The following EIF3A variants were observed in gnomAD, a reference collection of about 807,000 sequenced individuals.
The protein encoded by EIF3A is EIF3, p180 subunit.
In EIF3A, 21 loss-of-function variants were observed where a neutral mutation model predicts 186.6. The observed-to-expected ratio is 0.11, with a 90% CI of 0.08 to 0.16. EIF3A has a LOEUF of 0.16. Among genes scored for constraint, EIF3A ranks in the 10% least tolerant of loss-of-function variants. The probability of loss-of-function intolerance (pLI) is 1.00; values close to 1 mark genes in which losing one functional copy is unlikely to be tolerated. For synonymous variants in EIF3A, 563 were observed against 584.3 expected (o/e 0.96, Z 0.52); for missense variants, 1,306 against 1,796.3 (o/e 0.73, Z 4.93).
intron 14 of EIF3A, among the ~76,000 whole-genome samples, chr10:119,054,172 C>T (rs565517571): frequency 3.3e-5 from 5 of 152,208 alleles, no homozygotes; most frequent in South Asian, 2.1e-4. Context: ...CTGCCCTCCT[C>T]GGCCTCCCAA....
At chr10:119,060,645 G>T in intron 9 of EIF3A, 101 bp downstream of exon 9, 2 of 730,714 alleles carry the variant, frequency 2.7e-6, no homozygotes, top group Non-Finnish European at 4.4e-6. Flanking sequence ...GGCAGAACTT[G>T]GGGAGGTTCT....
At chr10:119,062,351 C>T (rs548958703) in intron 7 of EIF3A, among the ~76,000 whole-genome samples, 38 of 152,274 alleles carry the variant, frequency 2.5e-4, no homozygotes, top group African/African-American at 8.7e-4. Flanking sequence ...GGTTTACTTT[C>T]CGATTTAAAA....
chr10:119,058,360 G>T, intron 11 of EIF3A, 57 bp from the exon 12 acceptor site: 1 of 1,236,066 alleles, frequency 8.1e-7, no homozygotes, highest in Non-Finnish European at 1.1e-6. Context: ...CTGGTATTAG[G>T]CATCAAAGAA....
At chr10:119,076,203 C>T (rs913247133) in intron 1 of EIF3A, among the ~76,000 whole-genome samples, 2 of 151,022 alleles carry the variant, frequency 1.3e-5, no homozygotes, top group Non-Finnish European at 2.9e-5. Flanking sequence ...CATGGTGATG[C>T]ACGCCCGTAA....
intron 20 of EIF3A, among the ~76,000 whole-genome samples, 181 bp from the exon 21 acceptor site, chr10:119,037,490 C>T (rs963143748): frequency 6.6e-6 from 1 of 152,146 alleles, no homozygotes; most frequent in African/African-American, 2.4e-5. Flanking sequence ...AGATCTGTGC[C>T]GTCCCACTCG....
intron 17 of EIF3A, among the ~76,000 whole-genome samples, chr10:119,044,903 A>G (rs1848261404): frequency 6.6e-6 from 1 of 151,632 alleles, no homozygotes; most frequent in African/African-American, 2.4e-5. Context: ...AGTCTCAAAC[A>G]ATGCGTGAAT....
chr10:119,080,510 G>A, intron 1 of EIF3A, 118 bp downstream of exon 1: 1 of 1,407,736 alleles, frequency 7.1e-7, no homozygotes, highest in Non-Finnish European at 9.2e-7. Context: ...CGGGCAGGCC[G>A]CATCGGTCTC....
At chr10:119,060,168 C>T (rs1397527249) in intron 9 of EIF3A, 1 of 497,064 alleles carries the variant, frequency 2.0e-6, no homozygotes, top group Non-Finnish European at 3.9e-6. Context: ...TAATAAAACG[C>T]CCTCCTTCCC....
rs527448862 is a variant in EIF3A, at chr10:119,059,920, C to T, written c.1327-202G>A. On this transcript the variant is annotated intron_variant, in intron 9 of 21. Coordinates refer to ENST00000369144, the MANE Select transcript of EIF3A (RefSeq NM_003750.4). ...AACCATTATCATACTATTCCTCAAA[C>T]CTATAATCTTTTCAAATCCTAGTTG... is the stretch of plus-strand genomic sequence containing the variant. The T allele has an allele frequency of 4.8e-4, 294 of 616,056 alleles. 7 individuals are homozygous for T. The South Asian group carries it at 4.8e-3, about 10-fold the overall frequency. 38.2% of individuals were successfully genotyped at this position (616,056 alleles called of 1,614,324 possible).
intron 6 of EIF3A, among the ~76,000 whole-genome samples, chr10:119,066,336 C>T (rs1843977767): frequency 6.6e-6 from 1 of 150,734 alleles, no homozygotes; most frequent in Admixed American, 6.6e-5. Context: ...TGGTGAAACC[C>T]CATCTCTACT....
At chr10:119,051,096 C>A in intron 15 of EIF3A, 103 bp downstream of exon 15, 6 of 957,116 alleles carry the variant, frequency 6.3e-6, no homozygotes, top group Non-Finnish European at 9.1e-6. Flanking sequence ...GACCGTTACA[C>A]ATAGTAACTC....
At chr10:119,073,362 CA>C in intron 3 of EIF3A, 78 bp downstream of exon 3, 1 of 1,113,902 alleles carries the variant, frequency 9.0e-7, no homozygotes, top group Non-Finnish European at 1.3e-6. Flanking sequence ...ACATCTACTT[CA>C]AAAGGAAATG....
intron 1 of EIF3A, among the ~76,000 whole-genome samples, chr10:119,075,134 G>C (rs1003477473): frequency 6.6e-6 from 1 of 151,564 alleles, no homozygotes; most frequent in Non-Finnish European, 1.5e-5. Flanking sequence ...GCTAATTTTT[G>C]TATGTTTAGT....
intron 17 of EIF3A, among the ~76,000 whole-genome samples, chr10:119,046,584 T>C (rs1848285264): frequency 6.6e-6 from 1 of 152,216 alleles, no homozygotes; most frequent in African/African-American, 2.4e-5. Flanking sequence ...AGTTAAGGTA[T>C]GGTCATGATT....
At chr10:119,073,402 T>C (rs1196878128) in intron 3 of EIF3A, 39 bp downstream of exon 3, 1 of 1,459,790 alleles carries the variant, frequency 6.9e-7, no homozygotes, top group Non-Finnish European at 9.3e-7. Context: ...AACACCAAGT[T>C]AACTATCAAA....
Position 119,059,591 on chromosome 10 carries a change from C to A in EIF3A, c.1443+11G>T, listed in dbSNP as rs776814776. The A allele has an allele frequency of 6.2e-7, 1 of 1,600,380 alleles. No homozygotes were observed. Among genetic ancestry groups the A allele is most frequent in the Middle Eastern group, 1.7e-4 (1 of 6,052 alleles). On this transcript the variant is annotated intron_variant, in intron 10 of 21. Transcript: ENST00000369144. The stretch of plus-strand genomic sequence containing the variant: ...AGGGCCTTCTCCTGTCTCCTTACAG[C>A]ACATACCTACCTGCAAGTCGCAATG...
chr10:119,065,976 CGTA>C (rs1843969638), intron 6 of EIF3A, among the ~76,000 whole-genome samples: 1 of 151,900 alleles, frequency 6.6e-6, no homozygotes, highest in African/African-American at 2.4e-5. Context: ...ATTAGCCAGG[CGTA>C]GTGGTGGGCG....
chr10:119,059,373 T>C lies in EIF3A; in HGVS notation c.1468A>G (p.Thr490Ala), dbSNP rs761232172. ...TTCAAATCAGATCCAAAACTCAGGG[T>C]CCGAGAAGTGTGATCAATACGAACC... Reference protein sequence around the residue: ...LQVRIDHTSRTLSFGSDLNYA... With the variant: ...LQVRIDHTSRALSFGSDLNYA... The change falls in exon 11 of 22, where the codon ACC becomes GCC. Residue 490 changes from threonine to alanine, a missense_variant. By Grantham distance (58) the Thr-to-Ala change is moderately conservative. This residue lies in a region of EIF3A where 267 missense variants were observed against 367.8 expected (regional missense o/e 0.73). Coordinates refer to ENST00000369144, the MANE Select transcript of EIF3A (RefSeq NM_003750.4). 19 of 1,601,096 alleles carry C rather than the reference T, an allele frequency of 1.2e-5. No homozygotes were observed. Among genetic ancestry groups the C allele is most frequent in the Admixed American group, 1.8e-5 (1 of 56,984 alleles).
At chr10:119,045,537 A>C (rs1025093002) in intron 17 of EIF3A, among the ~76,000 whole-genome samples, 6 of 152,336 alleles carry the variant, frequency 3.9e-5, no homozygotes, top group Non-Finnish European at 7.3e-5. Context: ...CTGCTTTGCA[A>C]TTTATACTCA....
Sources: gnomAD v4.1 joint callset for allele counts (sites outside exome capture counted in the v4.1 genomes callset) on GRCh38, gnomAD v4.1.1 for gene constraint, gnomAD v4.1.1 regional missense constraint, MANE v1.5 for transcripts, NCBI Gene and HGNC (gene_info 2026-07-23, HGNC 2026-07-21) for gene names.